Variants in NUFIP1 observed in about 807,000 individuals in gnomAD.
NUFIP1 encodes the protein nuclear FMR1 interacting protein 1, also known as FMR1-interacting protein NUFIP1.
In NUFIP1, 38 loss-of-function variants were observed where a neutral mutation model predicts 56.2. That is an observed-to-expected ratio of 0.68 (90% CI 0.52 to 0.89). The LOEUF (loss-of-function observed/expected upper bound fraction) is 0.89. NUFIP1 is among the 40% of genes least tolerant of loss of function. The probability of loss-of-function intolerance (pLI) is 0.00; values close to 1 mark genes in which losing one functional copy is unlikely to be tolerated. For missense variants in NUFIP1, 567 were observed against 605.8 expected, an observed-to-expected ratio of 0.94 and a Z score of 0.67; for synonymous variants, 215 against 212.4, an observed-to-expected ratio of 1.01 and a Z score of -0.10.
chr13:44,951,760 C>T (rs1339692219), intron 7 of NUFIP1, among the ~76,000 whole-genome samples: 6 of 152,196 alleles, frequency 3.9e-5, no homozygotes, highest in African/African-American at 1.4e-4. Context: ...TATGTTTACA[C>T]TATACTGTAG....
At chr13:44,968,018 ATGGG>A (rs1871670816) in intron 5 of NUFIP1, among the ~76,000 whole-genome samples, 1 of 151,998 alleles carries the variant, frequency 6.6e-6, no homozygotes, top group Non-Finnish European at 1.5e-5. Flanking sequence ...TATAAAGCCT[ATGGG>A]TGGGCCATAC....
At chr13:44,948,829 G>T (rs542541636) in intron 8 of NUFIP1, among the ~76,000 whole-genome samples, 1 of 152,094 alleles carries the variant, frequency 6.6e-6, no homozygotes, top group Non-Finnish European at 1.5e-5. Flanking sequence ...ATCTTTAAAG[G>T]TAAGACATGT....
At chr13:44,944,379 T>C (rs971676234) in intron 8 of NUFIP1, among the ~76,000 whole-genome samples, 14 of 152,128 alleles carry the variant, frequency 9.2e-5, no homozygotes, top group Admixed American at 6.5e-4. Context: ...CAGTTCATAA[T>C]GCTAAAGGGG....
At chr13:44,941,421 G>GAACAATA in intron 9 of NUFIP1, 99 bp from the exon 10 acceptor site, 1 of 643,242 alleles carries the variant, frequency 1.6e-6, no homozygotes, top group Non-Finnish European at 2.7e-6. Context: ...AAAGAAGACA[G>GAACAATA]AACAATAAGA....
rs1872571143 is a variant in NUFIP1 at position 44,989,340 on chromosome 13, G to C, written c.97C>G (p.Pro33Ala). Residue 33 changes from proline to alanine, a missense_variant, in exon 1 of 10, where the codon CCG becomes GCG. Transcript: ENST00000379161. Reference sequence around the variant, plus strand: ...GCCCAGAACATCCAGCTGTCCCGCGGCGGGGCAGTGTCGCTCAGGGGCCCT... The same window carrying C: ...GCCCAGAACATCCAGCTGTCCCGCGCCGGGGCAGTGTCGCTCAGGGGCCCT... ...TLGPLSDTAP[P>A]RDSWMFWAML... The C allele has an allele frequency of 1.9e-6, 3 of 1,613,166 alleles. No individual in the cohort carries two copies. In the East Asian group the frequency reaches 6.7e-5, roughly 36 times the overall value.
chr13:44,957,430 G>T (rs558644678), intron 7 of NUFIP1, among the ~76,000 whole-genome samples: 17 of 152,034 alleles, frequency 1.1e-4, no homozygotes. Context: ...CAGGCTAGTC[G>T]TGAACTCCTG....
At chr13:44,945,157 A>G (rs1870867042) in intron 8 of NUFIP1, among the ~76,000 whole-genome samples, 1 of 152,008 alleles carries the variant, frequency 6.6e-6, no homozygotes, top group African/African-American at 2.4e-5. Context: ...AGAGAAAAAA[A>G]TCAATTAACA....
chr13:44,980,067 T>TATAGTATTATCTCTGC, intron 3 of NUFIP1, 115 bp from the exon 4 acceptor site: 1 of 692,566 alleles, frequency 1.4e-6, no homozygotes, highest in Non-Finnish European at 2.3e-6. Flanking sequence ...ATCCCATCTG[T>TATAGTATTATCTCTGC]ATAGTATTAT....
intron 4 of NUFIP1, 112 bp from the exon 5 acceptor site, chr13:44,979,378 G>C: frequency 1.3e-6 from 1 of 761,724 alleles, no homozygotes; most frequent in East Asian, 2.6e-5. Context: ...TTAAAACCAA[G>C]TAAGCAGGTT....
At chr13:44,945,650 G>C (rs1415998519) in intron 8 of NUFIP1, among the ~76,000 whole-genome samples, 2 of 151,996 alleles carry the variant, frequency 1.3e-5, no homozygotes, top group African/African-American at 4.8e-5. Context: ...TGGGAATACA[G>C]GCTGGTTTGA....
chr13:44,969,745 G>A (rs905398503), intron 5 of NUFIP1, among the ~76,000 whole-genome samples: 2 of 152,058 alleles, frequency 1.3e-5, no homozygotes, highest in African/African-American at 2.4e-5. Context: ...TGGGCAAACC[G>A]TCCTAACCAT....
intron 5 of NUFIP1, among the ~76,000 whole-genome samples, chr13:44,967,282 A>G (rs1871638052): frequency 6.6e-6 from 1 of 151,988 alleles, no homozygotes; most frequent in African/African-American, 2.4e-5. Context: ...CTGTAATCCC[A>G]GCACTTTGGG....
intron 7 of NUFIP1, among the ~76,000 whole-genome samples, chr13:44,953,715 C>G (rs994721659): frequency 6.6e-6 from 1 of 152,100 alleles, no homozygotes; most frequent in African/African-American, 2.4e-5. Context: ...TTTTCCCTGT[C>G]CCAACCCCAG....
chr13:44,987,335 G>A (rs1286792424), intron 1 of NUFIP1, among the ~76,000 whole-genome samples: 2 of 151,904 alleles, frequency 1.3e-5, no homozygotes, highest in African/African-American at 2.4e-5. Flanking sequence ...CCAAGATCAC[G>A]CCATTGCACT....
intron 7 of NUFIP1, 31 bp from the exon 8 acceptor site, chr13:44,949,869 T>C: frequency 7.2e-7 from 1 of 1,396,016 alleles, no homozygotes; most frequent in African/African-American, 1.4e-5. Context: ...ATTCAAAACA[T>C]CTACCACCAT....
At chr13:44,979,075 C>G (rs1056301972) in intron 5 of NUFIP1, 115 bp downstream of exon 5, 1 of 762,880 alleles carries the variant, frequency 1.3e-6, no homozygotes, top group African/African-American at 1.8e-5. Context: ...ACATAATATG[C>G]CTTATGGTCC....
chr13:44,979,350 CTTATGT>C (rs1872102090), intron 4 of NUFIP1, 84 bp from the exon 5 acceptor site: 2 of 1,087,694 alleles, frequency 1.8e-6, no homozygotes, highest in African/African-American at 1.6e-5. Context: ...TACAAGTAAA[CTTATGT>C]TGGACACAAT....
intron 5 of NUFIP1, among the ~76,000 whole-genome samples, chr13:44,969,762 A>G (rs949683856): frequency 6.6e-6 from 1 of 152,200 alleles, no homozygotes; most frequent in Admixed American, 6.5e-5. Context: ...CCATTATCTT[A>G]GCACAGACCA....
chr13:44,946,875 C>T (rs1160266930), intron 8 of NUFIP1, among the ~76,000 whole-genome samples: 1 of 152,064 alleles, frequency 6.6e-6, no homozygotes, highest in Non-Finnish European at 1.5e-5. Context: ...TCCTAGAGCC[C>T]AGAATTAATA....
Sources: allele counts gnomAD v4.1 joint callset (sites outside exome capture counted in the v4.1 genomes callset), GRCh38; gene constraint gnomAD v4.1.1; transcripts MANE v1.5; gene names NCBI Gene and HGNC (gene_info 2026-07-23, HGNC 2026-07-21).